Variants in FGF14 observed in about 807,000 individuals in gnomAD.
FGF14 encodes the protein fibroblast growth factor homologous factor 4.
FGF14 carries 5 observed loss-of-function variants against 25.5 expected under a neutral mutation model. The ratio of observed to expected loss-of-function variants is 0.20; its 90% CI spans 0.10 to 0.41. The LOEUF (loss-of-function observed/expected upper bound fraction) is 0.41. Among genes scored for constraint, FGF14 ranks in the 10% least tolerant of loss-of-function variants. The pLI is 1.00. For synonymous variants in FGF14, 138 were observed against 118.3 expected (o/e 1.17, Z -1.08); for missense variants, 222 against 320.1 (o/e 0.69, Z 2.34).
rs1684320736 is a variant in FGF14 at position 101,996,482 on chromosome 13, T to C, written c.209-121186A>G. ...ATGATGAGGAGAAAAAGAGAAGTGGTCATGAAAACAACTAGGAGATGTAGC... is the reference window on the plus strand; with the variant it reads ...ATGATGAGGAGAAAAAGAGAAGTGGCCATGAAAACAACTAGGAGATGTAGC... On this transcript the variant is annotated intron_variant, in intron 1 of 4. Coordinates refer to the FGF14 transcript ENST00000376131. Among the ~76,000 whole-genome samples, 3 of 152,258 alleles carry C rather than the reference T, an allele frequency of 2.0e-5. No homozygotes were observed. In the South Asian group the frequency reaches 6.2e-4, roughly 32 times the overall value.
chr13:102,025,915 C>A (rs749471939), intron 1 of FGF14, among the ~76,000 whole-genome samples: 4 of 151,794 alleles, frequency 2.6e-5, no homozygotes, highest in Non-Finnish European at 4.4e-5. Flanking sequence ...TGTGTGAATT[C>A]TTTTGCATTA....
intron 1 of FGF14, among the ~76,000 whole-genome samples, chr13:102,214,826 C>T (rs114121614): frequency 0.01 from 1,551 of 152,170 alleles, 34 homozygotes; most frequent in African/African-American, 0.034. Context: ...AGGACAGCCC[C>T]GCAGATAAAA....
chr13:102,137,101 T>TTATG (rs2046444935), intron 1 of FGF14, among the ~76,000 whole-genome samples: 1 of 152,200 alleles, frequency 6.6e-6, no homozygotes, highest in African/African-American at 2.4e-5. Flanking sequence ...GGTTGCTTCA[T>TTATG]TATGCTCTTA....
intron 1 of FGF14, among the ~76,000 whole-genome samples, chr13:102,141,405 T>A (rs1174425464): frequency 6.6e-6 from 1 of 152,210 alleles, no homozygotes; most frequent in African/African-American, 2.4e-5. Context: ...AGCTTTCTAG[T>A]GATACTTATC....
chr13:101,743,242 G>A (rs548717567), intron 3 of FGF14, among the ~76,000 whole-genome samples: 2 of 152,296 alleles, frequency 1.3e-5, no homozygotes, highest in South Asian at 4.1e-4. Flanking sequence ...ATTGAGACCT[G>A]TCTCAGATAC....
At chr13:101,924,154 A>G (rs1012062880) in intron 1 of FGF14, among the ~76,000 whole-genome samples, 1 of 152,126 alleles carries the variant, frequency 6.6e-6, no homozygotes, top group Non-Finnish European at 1.5e-5. Context: ...AATTTCCAAG[A>G]AAGTTTGAGA....
intron 1 of FGF14, among the ~76,000 whole-genome samples, chr13:102,341,711 C>T (rs2056957318): frequency 6.7e-6 from 1 of 150,348 alleles, no homozygotes; most frequent in African/African-American, 2.5e-5. Context: ...AGAAAGCTGA[C>T]ATACAGCTAT....
At chr13:102,176,119 T>C (rs1314844435) in intron 1 of FGF14, among the ~76,000 whole-genome samples, 1 of 152,144 alleles carries the variant, frequency 6.6e-6, no homozygotes, top group Non-Finnish European at 1.5e-5. Context: ...TGTGCACTCA[T>C]ATGTTTATCG....
intron 3 of FGF14, among the ~76,000 whole-genome samples, chr13:101,792,939 T>C (rs1205427802): frequency 6.6e-6 from 1 of 152,150 alleles, no homozygotes; most frequent in African/African-American, 2.4e-5. Context: ...TTATGATTTC[T>C]GAATACAATG....
At chr13:101,824,598 C>G (rs1594385441) in intron 3 of FGF14, among the ~76,000 whole-genome samples, 1 of 152,226 alleles carries the variant, frequency 6.6e-6, no homozygotes, top group East Asian at 1.9e-4. Flanking sequence ...TGGTCTTAGT[C>G]CAGGCTTCCT....
At chr13:101,795,211 A>G (rs2040451932) in intron 3 of FGF14, among the ~76,000 whole-genome samples, 1 of 152,128 alleles carries the variant, frequency 6.6e-6, no homozygotes, top group Non-Finnish European at 1.5e-5. Context: ...GCATTCCAAT[A>G]AAGCTTTATT....
At chr13:102,128,709 G>T (rs557489734) in intron 1 of FGF14, among the ~76,000 whole-genome samples, 1 of 152,176 alleles carries the variant, frequency 6.6e-6, no homozygotes, top group Non-Finnish European at 1.5e-5. Flanking sequence ...CTTCTGAAGA[G>T]AAGTGATTTA....
intron 4 of FGF14, among the ~76,000 whole-genome samples, chr13:101,725,495 C>T (rs1249859858): frequency 6.6e-6 from 1 of 151,922 alleles, no homozygotes. Context: ...ATTGAAATTA[C>T]AGAAGTAGTA....
chr13:102,096,001 G>GTA (rs60775005), intron 1 of FGF14, among the ~76,000 whole-genome samples: 1,485 of 135,006 alleles, frequency 0.011, 23 homozygotes, highest in African/African-American at 0.033. Flanking sequence ...GTGTGTGTGT[G>GTA]TATATATATA....
chr13:102,273,130 A>T (rs530324009), intron 1 of FGF14, among the ~76,000 whole-genome samples: 1 of 152,350 alleles, frequency 6.6e-6, no homozygotes, highest in Admixed American at 6.5e-5. Context: ...TATAAGGGAC[A>T]TCACTACATT....
chr13:102,372,770 T>A (rs1042507670), intron 1 of FGF14, among the ~76,000 whole-genome samples: 1 of 152,140 alleles, frequency 6.6e-6, no homozygotes, highest in Non-Finnish European at 1.5e-5. Flanking sequence ...GTCATTGTAG[T>A]CTGCCCAGCA....
intron 1 of FGF14, among the ~76,000 whole-genome samples, chr13:102,317,523 C>T (rs1393863588): frequency 6.6e-6 from 1 of 152,172 alleles, no homozygotes; most frequent in South Asian, 2.1e-4. Context: ...AATTATATCA[C>T]TTAAATATAA....
chr13:102,087,407 C>CTTGTTTT (rs2043958477), intron 1 of FGF14, among the ~76,000 whole-genome samples: 1 of 84,446 alleles, frequency 1.2e-5, no homozygotes, highest in Non-Finnish European at 2.2e-5. Context: ...ACTGTAATTT[C>CTTGTTTT]TTTTTTTTTT....
chr13:101,989,947 G>A (rs2038805531), intron 1 of FGF14, among the ~76,000 whole-genome samples: 1 of 152,028 alleles, frequency 6.6e-6, no homozygotes, highest in Non-Finnish European at 1.5e-5. Context: ...AGCACACGCT[G>A]GATTTATTAT....
Sources: allele counts gnomAD v4.1 joint callset (sites outside exome capture counted in the v4.1 genomes callset), GRCh38; gene constraint gnomAD v4.1.1; transcripts MANE v1.5; gene names NCBI Gene and HGNC (gene_info 2026-07-23, HGNC 2026-07-21).